The following ZNF395 variants were observed in gnomAD, a reference collection of about 807,000 sequenced individuals.
The protein encoded by ZNF395 is HD gene regulatory region-binding protein 2.
In ZNF395, 20 loss-of-function variants were observed where a neutral mutation model predicts 57.7. The ratio of observed to expected loss-of-function variants is 0.35; its 90% CI spans 0.24 to 0.50. The LOEUF is 0.50. Ranked by LOEUF, ZNF395 falls within the 20% of genes least tolerant of loss-of-function variation. The probability of loss-of-function intolerance (pLI) is 0.97; values close to 1 mark genes in which losing one functional copy is unlikely to be tolerated. For synonymous variants in ZNF395, 295 were observed against 275.9 expected (o/e 1.07, Z -0.69); for missense variants, 606 against 671.2 (o/e 0.90, Z 1.07).
chr8:28,373,056 G>C (rs1421318461), intron 1 of ZNF395, among the ~76,000 whole-genome samples: 1 of 152,220 alleles, frequency 6.6e-6, no homozygotes, highest in Admixed American at 6.5e-5. Flanking sequence ...GAAGGCAAAT[G>C]AAGTGCACAC....
At position 28,361,199 on chromosome 8, in the gene ZNF395, G is replaced by A; in HGVS notation, c.-58-17C>T. The A allele has an allele frequency of 1.9e-6, 3 of 1,598,256 alleles. No individual in the cohort carries two copies. The highest frequency in any genetic ancestry group is 1.1e-5 in the South Asian group (1 of 90,872). On this transcript the variant is annotated splice_polypyrimidine_tract_variant and intron_variant, in intron 1 of 9. Transcript: ENST00000344423. ...GCCCATCACCTGGGGGAATCAGGAA[G>A]CTTTCAGGAGGGAGCCCCACACAGC...
chr8:28,383,389 AAT>A (rs771298131), intron 1 of ZNF395, among the ~76,000 whole-genome samples: 4 of 152,038 alleles, frequency 2.6e-5, no homozygotes, highest in Non-Finnish European at 4.4e-5. Flanking sequence ...TGGGAATCAC[AAT>A]ATCCCTAGGG....
At chr8:28,363,962 C>T (rs1350112702) in intron 1 of ZNF395, among the ~76,000 whole-genome samples, 2 of 152,188 alleles carry the variant, frequency 1.3e-5, no homozygotes, top group Non-Finnish European at 1.5e-5. Flanking sequence ...CAGAATTCCA[C>T]ACCAAAATAC....
chr8:28,369,109 T>C (rs1801946603), intron 1 of ZNF395, among the ~76,000 whole-genome samples: 1 of 151,924 alleles, frequency 6.6e-6, no homozygotes, highest in South Asian at 2.1e-4. Flanking sequence ...GTGCTGGGAT[T>C]ACAGGCATGA....
intron 4 of ZNF395, among the ~76,000 whole-genome samples, chr8:28,355,067 G>A (rs1402911648): frequency 6.6e-6 from 1 of 152,076 alleles, no homozygotes; most frequent in East Asian, 1.9e-4. Flanking sequence ...TGTGTAAGTT[G>A]TGACTCCATC....
intron 1 of ZNF395, among the ~76,000 whole-genome samples, chr8:28,381,422 A>G (rs1263978516): frequency 6.6e-6 from 1 of 152,138 alleles, no homozygotes; most frequent in African/African-American, 2.4e-5. Flanking sequence ...GGTCCAAGCA[A>G]TCCTCTTGCC....
Position 28,348,801 on chromosome 8 carries a change from C to T in ZNF395, c.1460G>A (p.Arg487His). The part of the protein sequence containing the change: ...RKARGEAKKC[R>H]KVYGIEHRDQ... ...CCGGTGCTCGATGCCATACACCTTGCGGCACTTCTTAGCCTCCCCTCGGGC... is the reference window on the plus strand; with the variant it reads ...CCGGTGCTCGATGCCATACACCTTGTGGCACTTCTTAGCCTCCCCTCGGGC... The change falls in exon 10 of 10, where the codon CGC becomes CAC. Residue 487 changes from arginine (R) to histidine (H), a missense_variant. Physicochemically the swap from Arg to His is conservative, Grantham distance 29. Transcript: ENST00000344423. 1.2e-6 allele frequency: 2 copies of T among 1,614,080 alleles called. No individual in the cohort carries two copies. The highest frequency in any genetic ancestry group is 8.5e-7 in the Non-Finnish European group (1 of 1,180,022).
intron 7 of ZNF395, 135 bp downstream of exon 7, chr8:28,351,360 T>G: frequency 1.1e-6 from 1 of 948,758 alleles, no homozygotes; most frequent in East Asian, 2.5e-5. Flanking sequence ...GGTTTCCTTT[T>G]GTTTCCTTGT....
rs73668442 is a variant in ZNF395, at chr8:28,349,848, G to A, written c.1326+216C>T. On this transcript the variant is annotated intron_variant, in intron 8 of 9. Coordinates refer to ENST00000344423, the MANE Select transcript of ZNF395 (RefSeq NM_018660.3). ...CTTGCTCTGGACATCCTCTACAAGC[G>A]CCTCCTTCCACCTCCGCGAGGGGCT... 1.4e-3 allele frequency among the ~76,000 whole-genome samples: 206 copies of A among 152,352 alleles called. 1 individual carries two copies. Among genetic ancestry groups the A allele is most frequent in the African/African-American group, 4.7e-3 (196 of 41,588 alleles).
At chr8:28,354,082 A>AAC (rs1200115418) in intron 4 of ZNF395, among the ~76,000 whole-genome samples, 1 of 152,204 alleles carries the variant, frequency 6.6e-6, no homozygotes, top group African/African-American at 2.4e-5. Flanking sequence ...ATCAAGAAGT[A>AAC]ACATGTTTGG....
chr8:28,354,092 G>A (rs1217013217), intron 4 of ZNF395, among the ~76,000 whole-genome samples: 3 of 152,192 alleles, frequency 2.0e-5, no homozygotes, highest in African/African-American at 7.2e-5. Context: ...AACATGTTTG[G>A]AGGAGGAAAG....
At chr8:28,349,466 CCT>C (rs1268746920) in intron 8 of ZNF395, among the ~76,000 whole-genome samples, 1 of 152,172 alleles carries the variant, frequency 6.6e-6, no homozygotes, top group Non-Finnish European at 1.5e-5. Flanking sequence ...GACCTGGCCC[CCT>C]CTGAGGCTCT....
intron 9 of ZNF395, 112 bp downstream of exon 9, chr8:28,349,013 G>A: frequency 8.3e-7 from 1 of 1,205,400 alleles, no homozygotes; most frequent in Non-Finnish European, 1.2e-6. Flanking sequence ...CGCCATCTGG[G>A]CTCCTCTCTG....
chr8:28,378,188 CA>C (rs1802067088), intron 1 of ZNF395, among the ~76,000 whole-genome samples: 1 of 152,122 alleles, frequency 6.6e-6, no homozygotes, highest in Non-Finnish European at 1.5e-5. Flanking sequence ...CCTGGGTTCA[CA>C]AACTGAGTTC....
At position 28,349,118 on chromosome 8, in the gene ZNF395, A is replaced by G. The variant is rs751652450; in HGVS notation, c.1430+7T>C. On this transcript the variant is annotated splice_region_variant and intron_variant, in intron 9 of 9. Coordinates refer to ENST00000344423, the MANE Select transcript of ZNF395 (RefSeq NM_018660.3). The stretch of plus-strand genomic sequence containing the variant: ...CAGAAGGCAGGGGACGACAGCGGAC[A>G]TCTCACCTGGCACCACTCTGGGCCC... 1.9e-6 allele frequency: 3 copies of G among 1,565,552 alleles called. No homozygotes were observed. In the East Asian group the frequency reaches 6.8e-5, roughly 35 times the overall value.
In ZNF395 at chr8:28,351,575, C is replaced by T; in HGVS notation, c.1153G>A (p.Glu385Lys). ...QSSGPEHPGP[E>K]SSLPSGALSK... ...AGAGCCCCTGAGGGCAGGGAGGACT[C>T]CGGGCCAGGATGTTCTGGGCCGGAG... is the stretch of plus-strand genomic sequence containing the variant. The change falls in exon 7 of 10, where the codon GAG (glutamate) becomes AAG (lysine). Residue 385 changes from glutamate (E) to lysine (K), a missense_variant. Physicochemically the swap from Glu to Lys is moderately conservative, Grantham distance 56. This residue lies in a region of ZNF395 where 261 missense variants were observed against 240.3 expected (regional missense o/e 1.09). Transcript: ENST00000344423. 1.2e-6 allele frequency: 2 copies of T among 1,613,834 alleles called. No individual in the cohort carries two copies. The highest frequency in any genetic ancestry group is 1.7e-6 in the Non-Finnish European group (2 of 1,180,006).
intron 4 of ZNF395, 90 bp from the exon 5 acceptor site, chr8:28,353,498 G>T (rs1240460986): frequency 9.8e-7 from 1 of 1,017,520 alleles, no homozygotes; most frequent in Non-Finnish European, 1.4e-6. Flanking sequence ...ATGGAGAGGA[G>T]TTCATTCATG....
chr8:28,359,381 G>A lies in ZNF395; in HGVS notation c.473+211C>T, dbSNP rs1354014173. Among the ~76,000 whole-genome samples the A allele has an allele frequency of 6.6e-5, 10 of 152,230 alleles. No individual in the cohort carries two copies. Among genetic ancestry groups the A allele is most frequent in the African/African-American group, 2.4e-4 (10 of 41,458 alleles). On this transcript the variant is annotated intron_variant, in intron 3 of 9. Transcript: ENST00000344423. This position sits in a 1 kb window ranked among gnomAD's most constrained non-coding sequence, Gnocchi z 4.7. Reference sequence around the variant, plus strand: ...CATGCCACTGAACTCCAGCCTAGGTGAGAGAGTGAGACTCCGTCTCAAAAA... The same window carrying A: ...CATGCCACTGAACTCCAGCCTAGGTAAGAGAGTGAGACTCCGTCTCAAAAA...
At chr8:28,357,152 G>C (rs1484146762) in intron 3 of ZNF395, among the ~76,000 whole-genome samples, 1 of 152,162 alleles carries the variant, frequency 6.6e-6, no homozygotes, top group Non-Finnish European at 1.5e-5. Context: ...AAAGAGGATA[G>C]ACTCGAAATG....
Sources: gnomAD v4.1 joint callset for allele counts (sites outside exome capture counted in the v4.1 genomes callset) on GRCh38, gnomAD v4.1.1 for gene constraint, gnomAD v4.1.1 regional missense constraint, Gnocchi (gnomAD v3.1) non-coding constraint, MANE v1.5 for transcripts, NCBI Gene and HGNC (gene_info 2026-07-23, HGNC 2026-07-21) for gene names.